PPP2CA: variants seen among roughly 807,000 people sequenced by gnomAD.
PPP2CA encodes the protein protein phosphatase 2 catalytic subunit alpha.
In PPP2CA, 5 loss-of-function variants were observed where a neutral mutation model predicts 38.8. That is an observed-to-expected ratio of 0.13 (90% CI 0.07 to 0.27). The LOEUF is 0.27. Ranked by LOEUF, PPP2CA falls within the 10% of genes least tolerant of loss-of-function variation. PPP2CA has a pLI of 1.00. For missense variants in PPP2CA, 88 were observed against 389.7 expected (o/e 0.23, Z 6.52); for synonymous variants, 152 against 134.0 (o/e 1.13, Z -0.93).
At chr5:134,205,817 A>G in intron 2 of PPP2CA, 105 bp downstream of exon 2, 1 of 980,916 alleles carries the variant, frequency 1.0e-6, no homozygotes. Context: ...CTAAATGTGG[A>G]ATTTTGTTTT....
At chr5:134,210,755 C>G (rs1762187051) in intron 1 of PPP2CA, among the ~76,000 whole-genome samples, 1 of 152,056 alleles carries the variant, frequency 6.6e-6, no homozygotes, top group Non-Finnish European at 1.5e-5. Context: ...ATCACTTGAA[C>G]CCAATGGGCC....
chr5:134,219,727 T>C (rs1250398049), intron 1 of PPP2CA, among the ~76,000 whole-genome samples: 1 of 152,062 alleles, frequency 6.6e-6, no homozygotes, highest in Non-Finnish European at 1.5e-5. Context: ...AGTTAAGCAG[T>C]TAGCTGGGCA....
At chr5:134,206,804 C>T (rs1192066615) in intron 1 of PPP2CA, among the ~76,000 whole-genome samples, 1 of 152,188 alleles carries the variant, frequency 6.6e-6, no homozygotes, top group East Asian at 1.9e-4. Flanking sequence ...GTGGCTCATA[C>T]CTGTGAGAAA....
intron 3 of PPP2CA, among the ~76,000 whole-genome samples, 160 bp from the exon 4 acceptor site, chr5:134,201,234 A>AGACCCTGT: frequency 6.6e-6 from 1 of 152,346 alleles, no homozygotes; most frequent in South Asian, 2.1e-4. Flanking sequence ...CAACACAGCA[A>AGACCCTGT]GACCCTGTGT....
At chr5:134,205,850 C>T in intron 2 of PPP2CA, 72 bp downstream of exon 2, 1 of 1,293,884 alleles carries the variant, frequency 7.7e-7, no homozygotes, top group Non-Finnish European at 1.1e-6. Context: ...GAGAAAATAA[C>T]TGGGGGAAAA....
intron 1 of PPP2CA, among the ~76,000 whole-genome samples, chr5:134,206,796 G>A (rs907671239): frequency 4.6e-5 from 7 of 152,196 alleles, no homozygotes; most frequent in Non-Finnish European, 7.3e-5. Flanking sequence ...CAAGCACTGT[G>A]GCTCATACCT....
chr5:134,220,824 A>C (rs1024311350), intron 1 of PPP2CA, among the ~76,000 whole-genome samples: 9 of 152,194 alleles, frequency 5.9e-5, no homozygotes, highest in African/African-American at 1.9e-4. Flanking sequence ...CTGGTAATAC[A>C]AATGTTATCC....
rs1429585878 is a variant in PPP2CA at position 134,197,224 on chromosome 5, T to G, written c.*548A>C. The G allele has an allele frequency of 6.5e-6, 1 of 153,600 alleles. No individual in the cohort carries two copies. The highest frequency in any genetic ancestry group is 2.4e-5 in the African/African-American group (1 of 41,430). 9.5% of individuals were successfully genotyped at this position (153,600 alleles called of 1,614,324 possible). A position where few individuals can be genotyped will look rare whatever the true frequency, so the allele number is the denominator to read the frequency against. On this transcript the variant is annotated 3_prime_UTR_variant, in exon 7 of 7. Transcript: ENST00000481195. ...GTTCTGACAATAACAAAGAACAACA[T>G]GGGGCTGAGATTTGAGTAGGGAATA... is the stretch of plus-strand genomic sequence containing the variant.
At chr5:134,198,507 T>G (rs1019326602) in intron 6 of PPP2CA, among the ~76,000 whole-genome samples, 1 of 151,928 alleles carries the variant, frequency 6.6e-6, no homozygotes, top group Non-Finnish European at 1.5e-5. Context: ...TCAATGTAGA[T>G]CCATTAAAAA....
intron 1 of PPP2CA, among the ~76,000 whole-genome samples, chr5:134,215,007 G>A (rs1000341614): frequency 1.3e-5 from 2 of 148,232 alleles, no homozygotes; most frequent in Non-Finnish European, 3.0e-5. Flanking sequence ...GTTTAATAAT[G>A]ACCTTGAAGT....
chr5:134,203,087 G>A (rs1399695433), intron 2 of PPP2CA, among the ~76,000 whole-genome samples: 2 of 151,216 alleles, frequency 1.3e-5, no homozygotes, highest in African/African-American at 4.9e-5. Flanking sequence ...TTATTGAGCT[G>A]TAAAAGTTTT....
At chr5:134,212,486 CTG>C (rs1762223581) in intron 1 of PPP2CA, among the ~76,000 whole-genome samples, 1 of 152,200 alleles carries the variant, frequency 6.6e-6, no homozygotes, top group Non-Finnish European at 1.5e-5. Flanking sequence ...ACTGGCCATT[CTG>C]TCTCTCCCTC....
intron 6 of PPP2CA, among the ~76,000 whole-genome samples, chr5:134,198,204 C>A (rs1338101004): frequency 1.3e-5 from 2 of 151,948 alleles, no homozygotes; most frequent in African/African-American, 2.4e-5. Context: ...TCCTGGCTAC[C>A]ACGGTGAAAC....
chr5:134,225,688 C>T, intron 1 of PPP2CA, 72 bp downstream of exon 1: 2 of 1,439,016 alleles, frequency 1.4e-6, no homozygotes, highest in African/African-American at 1.5e-5. Context: ...CATGTTGCAC[C>T]CTCCTCACGG....
intron 1 of PPP2CA, among the ~76,000 whole-genome samples, chr5:134,223,619 T>G (rs1179479418): frequency 1.3e-5 from 2 of 152,198 alleles, no homozygotes; most frequent in Non-Finnish European, 2.9e-5. Context: ...CCTCACTACA[T>G]CTTAGTTTTA....
intron 1 of PPP2CA, among the ~76,000 whole-genome samples, chr5:134,213,705 C>T (rs1488516186): frequency 6.6e-6 from 1 of 151,868 alleles, no homozygotes; most frequent in African/African-American, 2.4e-5. Context: ...ATCACTTGAG[C>T]CCAGGAGTTC....
chr5:134,218,803 G>A (rs1195144367), intron 1 of PPP2CA, among the ~76,000 whole-genome samples: 4 of 151,952 alleles, frequency 2.6e-5, no homozygotes, highest in Admixed American at 6.6e-5. Flanking sequence ...CGAGCAGCTG[G>A]GACTACAGGC....
At chr5:134,213,154 A>G (rs1472649349) in intron 1 of PPP2CA, among the ~76,000 whole-genome samples, 1 of 152,214 alleles carries the variant, frequency 6.6e-6, no homozygotes, top group Non-Finnish European at 1.5e-5. Context: ...TTTACTAGCT[A>G]GAGAAGTCAA....
At chr5:134,198,559 A>G (rs1045469463) in intron 6 of PPP2CA, among the ~76,000 whole-genome samples, 3 of 152,030 alleles carry the variant, frequency 2.0e-5, no homozygotes, top group Non-Finnish European at 4.4e-5. Context: ...CTGACATAGC[A>G]TAATCCCTTA....
Sources: gnomAD v4.1 joint callset for allele counts (sites outside exome capture counted in the v4.1 genomes callset) on GRCh38, gnomAD v4.1.1 for gene constraint, MANE v1.5 for transcripts, NCBI Gene and HGNC (gene_info 2026-07-23, HGNC 2026-07-21) for gene names.